Variants in PAK1 observed in about 807,000 individuals in gnomAD.
The protein encoded by PAK1 is p21 (RAC1) activated kinase 1, also known as serine/threonine-protein kinase PAK 1.
PAK1 carries 29 observed loss-of-function variants against 67.4 expected under a neutral mutation model. That is an observed-to-expected ratio of 0.43 (90% confidence interval 0.32 to 0.59). The LOEUF (loss-of-function observed/expected upper bound fraction) is 0.59, where lower values mean the gene tolerates loss of function less well. PAK1 is among the 20% of genes least tolerant of loss of function. The pLI, the probability that PAK1 is intolerant of heterozygous loss-of-function variation, is 0.07. For synonymous variants in PAK1, 223 were observed against 237.4 expected (o/e 0.94, Z 0.56); for missense variants, 337 against 670.7 (o/e 0.50, Z 5.50).
chr11:77,490,351 G>A, the PAK1 span, among the ~76,000 whole-genome samples: 20 of 136,898 alleles, frequency 1.5e-4, no homozygotes, highest in Non-Finnish European at 2.1e-4. Context: ...CCCCCCACCC[G>A]GCCAGCCGCC....
At chr11:77,453,651 A>G (rs1286877826) in intron 1 of PAK1, among the ~76,000 whole-genome samples, 1 of 152,240 alleles carries the variant, frequency 6.6e-6, no homozygotes, top group Admixed American at 6.5e-5. Flanking sequence ...AGCTGAATAC[A>G]TATTAGTTAT....
At chr11:77,444,612 T>A (rs1367264355) in intron 1 of PAK1, among the ~76,000 whole-genome samples, 1 of 152,204 alleles carries the variant, frequency 6.6e-6, no homozygotes, top group Non-Finnish European at 1.5e-5. Context: ...TTCTGTTGCC[T>A]AAGAATAAAT....
At chr11:77,483,481 A>G in the PAK1 span, among the ~76,000 whole-genome samples, 1 of 152,264 alleles carries the variant, frequency 6.6e-6, no homozygotes, top group Non-Finnish European at 1.5e-5. Context: ...TTCCATTTAC[A>G]TGAAATTTCT....
intron 13 of PAK1, 34 bp downstream of exon 13, chr11:77,336,052 C>A: frequency 2.1e-6 from 3 of 1,401,040 alleles, no homozygotes; most frequent in Non-Finnish European, 2.0e-6. Flanking sequence ...AGACAACAGC[C>A]CAAATAACTT....
chr11:77,371,646 A>C (rs922391485), intron 5 of PAK1, among the ~76,000 whole-genome samples: 5 of 152,220 alleles, frequency 3.3e-5, no homozygotes, highest in African/African-American at 1.2e-4. Flanking sequence ...TCTGTTTGAA[A>C]CCAACATGGA....
At chr11:77,330,271 T>C (rs966798976) in intron 14 of PAK1, among the ~76,000 whole-genome samples, 5 of 152,014 alleles carry the variant, frequency 3.3e-5, no homozygotes, top group Non-Finnish European at 7.4e-5. Context: ...CTTCACAGAA[T>C]TGGAAAAAAC....
intron 6 of PAK1, among the ~76,000 whole-genome samples, chr11:77,357,079 TAAAC>T (rs1401398969): frequency 2.0e-5 from 3 of 152,086 alleles, no homozygotes; most frequent in Non-Finnish European, 2.9e-5. Flanking sequence ...ATGGAATAAA[TAAAC>T]AAACAGGATC....
At chr11:77,441,781 A>T (rs964721107) in intron 1 of PAK1, among the ~76,000 whole-genome samples, 1 of 152,232 alleles carries the variant, frequency 6.6e-6, no homozygotes, top group African/African-American at 2.4e-5. Context: ...ACTGAATGTG[A>T]GTTTTTAAAA....
intron 1 of PAK1, among the ~76,000 whole-genome samples, chr11:77,448,604 AG>A: frequency 6.6e-6 from 1 of 152,354 alleles, no homozygotes; most frequent in Admixed American, 6.5e-5. Flanking sequence ...GTTGAGTGTA[AG>A]GACAGCAAGC....
chr11:77,347,833 T>C lies in PAK1; in HGVS notation c.885+1406A>G, dbSNP rs892306904. On this transcript the variant is annotated intron_variant, in intron 9 of 14. Transcript: ENST00000356341. ...ATAATGCATTTTCACATGTATTGCT[T>C]TACTGAATTCTTTCAACACTTTCGT... Among the ~76,000 whole-genome samples the C allele has an allele frequency of 3.3e-5, 5 of 152,324 alleles. 1 individual carries two copies. The East Asian group carries it at 9.6e-4, about 29-fold the overall frequency.
At chr11:77,395,658 T>C (rs1278993067) in intron 1 of PAK1, among the ~76,000 whole-genome samples, 1 of 152,128 alleles carries the variant, frequency 6.6e-6, no homozygotes, top group Admixed American at 6.5e-5. Context: ...CTCCCTTCTC[T>C]GACTGATAAA....
At chr11:77,412,167 G>A (rs923279666) in intron 1 of PAK1, 1 of 152,636 alleles carries the variant, frequency 6.6e-6, no homozygotes, top group African/African-American at 2.4e-5. Flanking sequence ...GTTTTCCAGG[G>A]CTTGTCAGAG....
At chr11:77,360,029 A>G (rs1946570716) in intron 5 of PAK1, among the ~76,000 whole-genome samples, 1 of 152,182 alleles carries the variant, frequency 6.6e-6, no homozygotes. Flanking sequence ...TCCATGTCCT[A>G]AAGTAGTGAC....
chr11:77,357,628 C>T (rs905970775), intron 6 of PAK1, among the ~76,000 whole-genome samples: 5 of 152,128 alleles, frequency 3.3e-5, no homozygotes. Context: ...GGGTTAATTA[C>T]CTGCTTTCAA....
At chr11:77,341,614 G>GT (rs1457004387) in intron 10 of PAK1, among the ~76,000 whole-genome samples, 3 of 152,280 alleles carry the variant, frequency 2.0e-5, no homozygotes, top group East Asian at 3.9e-4. Context: ...TTTGGTCAAT[G>GT]TTTCCTTACT....
intron 1 of PAK1, among the ~76,000 whole-genome samples, chr11:77,438,094 T>G (rs1053289442): frequency 9.2e-5 from 14 of 152,134 alleles, no homozygotes; most frequent in African/African-American, 3.1e-4. Context: ...CACTGGCCTC[T>G]GTCCCCACCC....
At chr11:77,439,767 G>A (rs1162742676) in intron 1 of PAK1, among the ~76,000 whole-genome samples, 2 of 152,164 alleles carry the variant, frequency 1.3e-5, no homozygotes, top group African/African-American at 4.8e-5. Flanking sequence ...GAGGGAAAGA[G>A]GACTAAATTG....
chr11:77,472,345 T>C (rs1957901134), intron 1 of PAK1, among the ~76,000 whole-genome samples: 1 of 152,176 alleles, frequency 6.6e-6, no homozygotes, highest in Admixed American at 6.5e-5. Context: ...ACTTAGAATT[T>C]TCCAAATAGG....
chr11:77,351,496 A>G (rs79219925), intron 8 of PAK1, among the ~76,000 whole-genome samples: 9 of 152,256 alleles, frequency 5.9e-5, no homozygotes, highest in Admixed American at 3.3e-4. Flanking sequence ...ACCATCCCAC[A>G]TTACTCTGAG....
Sources: gnomAD v4.1 joint callset for allele counts (sites outside exome capture counted in the v4.1 genomes callset) on GRCh38, gnomAD v4.1.1 for gene constraint, MANE v1.5 for transcripts, NCBI Gene and HGNC (gene_info 2026-07-23, HGNC 2026-07-21) for gene names.